Variants in SPAG9 observed in about 807,000 individuals in gnomAD.
SPAG9 encodes the protein sperm associated antigen 9, also known as C-Jun-amino-terminal kinase-interacting protein 4.
In SPAG9, 35 loss-of-function variants were observed where a neutral mutation model predicts 166.5. That is an observed-to-expected ratio of 0.21 (90% CI 0.16 to 0.28). The LOEUF (loss-of-function observed/expected upper bound fraction) is 0.28. SPAG9 is among the 10% of genes least tolerant of loss of function. The probability of loss-of-function intolerance (pLI) is 1.00; values close to 1 mark genes in which losing one functional copy is unlikely to be tolerated. For missense variants in SPAG9, 1,235 were observed against 1,603.3 expected, an observed-to-expected ratio of 0.77 and a Z score of 3.92; for synonymous variants, 534 against 565.5, an observed-to-expected ratio of 0.94 and a Z score of 0.79.
chr17:51,061,626 A>C (rs1390713545), intron 2 of SPAG9, among the ~76,000 whole-genome samples: 1 of 151,078 alleles, frequency 6.6e-6, no homozygotes, highest in Non-Finnish European at 1.5e-5. Context: ...AAAAAAAAAA[A>C]AAAAAAAAAA....
chr17:51,095,476 C>G (rs1021936295), intron 1 of SPAG9, among the ~76,000 whole-genome samples: 1 of 151,088 alleles, frequency 6.6e-6, no homozygotes, highest in Admixed American at 6.6e-5. Flanking sequence ...AATGATGAAA[C>G]CCCTTCTCTA....
At chr17:51,053,887 A>AG (rs2047275980) in intron 3 of SPAG9, among the ~76,000 whole-genome samples, 2 of 117,398 alleles carry the variant, frequency 1.7e-5, no homozygotes, top group Middle Eastern at 4.2e-3. Context: ...ATATATATAT[A>AG]TATATATATA....
At chr17:50,999,610 T>A in intron 14 of SPAG9, 51 bp downstream of exon 14, 1 of 1,525,368 alleles carries the variant, frequency 6.6e-7, no homozygotes. Flanking sequence ...ATTTTGACTG[T>A]AATTTTCTTG....
At chr17:50,970,918 T>G (rs542595689) in intron 28 of SPAG9, 62 bp from the exon 29 acceptor site, 114 of 1,447,784 alleles carry the variant, frequency 7.9e-5, no homozygotes, top group East Asian at 9.1e-5. Context: ...GTTTTGTTTT[T>G]TTTTTTTAAG....
intron 3 of SPAG9, among the ~76,000 whole-genome samples, chr17:51,051,044 C>G (rs376078281): frequency 8.7e-6 from 1 of 115,028 alleles, no homozygotes; most frequent in Admixed American, 8.3e-5. Context: ...AAAAAAAAAA[C>G]AAAAAGAAAA....
chr17:50,967,808 A>C lies in SPAG9; in HGVS notation c.3851-1421T>G, dbSNP rs189431483. ...GAAAAAGGAAATGGACCCCCAAAAA[A>C]GATCAAATTTGATTTTTTACAACAG... On this transcript the variant is annotated intron_variant, in intron 29 of 29. Coordinates refer to ENST00000262013, the MANE Select transcript of SPAG9 (RefSeq NM_001130528.3). Among the ~76,000 whole-genome samples the C allele has an allele frequency of 3.3e-5, 5 of 152,366 alleles. No homozygotes were observed. The East Asian group carries it at 9.6e-4, about 29-fold the overall frequency.
At chr17:51,077,013 G>GCTAGCTATCTAGCTATCTATCTAGCTAT (rs2048002157) in intron 2 of SPAG9, among the ~76,000 whole-genome samples, 5 of 62,862 alleles carry the variant, frequency 8.0e-5, no homozygotes, top group East Asian at 3.2e-4. Flanking sequence ...TAGCTAGCTA[G>GCTAGCTATCTAGCTATCTATCTAGCTAT]CTAGCTATCT....
intron 6 of SPAG9, among the ~76,000 whole-genome samples, chr17:51,021,823 T>C (rs1444833311): frequency 2.2e-5 from 2 of 89,312 alleles, no homozygotes; most frequent in East Asian, 6.2e-4. Flanking sequence ...TCTAAATCAT[T>C]TGAAGTGCTT....
At chr17:51,060,786 G>A (rs1384470568) in intron 2 of SPAG9, among the ~76,000 whole-genome samples, 1 of 151,360 alleles carries the variant, frequency 6.6e-6, no homozygotes, top group Non-Finnish European at 1.5e-5. Context: ...GTAATATTTT[G>A]TTATGGCGGC....
At chr17:50,978,719 A>G (rs1038729778) in intron 26 of SPAG9, among the ~76,000 whole-genome samples, 3 of 152,240 alleles carry the variant, frequency 2.0e-5, no homozygotes, top group African/African-American at 7.2e-5. Context: ...CTTCCCAGGT[A>G]GATGATACAG....
chr17:51,019,650 C>G (rs970066661), intron 8 of SPAG9, among the ~76,000 whole-genome samples: 8 of 151,590 alleles, frequency 5.3e-5, no homozygotes, highest in African/African-American at 1.5e-4. Context: ...GTTGGGAGTT[C>G]GAGACCAGCC....
intron 5 of SPAG9, among the ~76,000 whole-genome samples, chr17:51,038,228 G>A (rs2046696098): frequency 6.6e-6 from 1 of 152,172 alleles, no homozygotes; most frequent in South Asian, 2.1e-4. Context: ...ATGAGTTGTA[G>A]ATTCAAATTT....
intron 2 of SPAG9, among the ~76,000 whole-genome samples, chr17:51,071,446 C>T (rs17651543): frequency 0.071 from 10,779 of 152,102 alleles, 408 homozygotes; most frequent in Non-Finnish European, 0.089. Flanking sequence ...ATTAACAGGA[C>T]GTATTATTGC....
chr17:50,971,459 CTTTTTTTTTTTT>C (rs71353691), intron 28 of SPAG9, among the ~76,000 whole-genome samples: 4 of 89,902 alleles, frequency 4.4e-5, no homozygotes, highest in Non-Finnish European at 6.5e-5. Context: ...TTCAAACTAC[CTTTTTTTTTTTT>C]TTTTTTTTTT....
At chr17:50,985,453 C>G (rs1207967140) in intron 23 of SPAG9, among the ~76,000 whole-genome samples, 1 of 152,134 alleles carries the variant, frequency 6.6e-6, no homozygotes, top group Admixed American at 6.5e-5. Context: ...TGGTTATTTC[C>G]TGCAGTGCTA....
intron 19 of SPAG9, among the ~76,000 whole-genome samples, chr17:50,992,677 C>T (rs1975690719): frequency 6.6e-6 from 1 of 151,894 alleles, no homozygotes; most frequent in African/African-American, 2.4e-5. Flanking sequence ...GAGGCCCTGT[C>T]TCAAAAAAAC....
In SPAG9 at chr17:51,101,205, G is replaced by A. The variant is rs377421016; in HGVS notation, c.303+19149C>T. ...TACTAAAAATACAAAAATTAGCTGGGCTTGGTGGCGCACACCTGTAGTCCC... is the reference window on the plus strand; with the variant it reads ...TACTAAAAATACAAAAATTAGCTGGACTTGGTGGCGCACACCTGTAGTCCC... On this transcript the variant is annotated intron_variant, in intron 1 of 29. Coordinates refer to ENST00000262013, the MANE Select transcript of SPAG9 (RefSeq NM_001130528.3). Among the ~76,000 whole-genome samples the A allele has an allele frequency of 3.3e-5, 5 of 151,800 alleles. No individual in the cohort carries two copies. In the East Asian group the frequency reaches 9.8e-4, roughly 30 times the overall value.
In SPAG9 at chr17:50,997,993, T is replaced by TA. The variant is rs201338783; in HGVS notation, c.1838+450dup. Among the ~76,000 whole-genome samples the TA allele has an allele frequency of 7.0e-3, 1,062 of 151,178 alleles. 24 individuals carry two copies. The highest frequency in any genetic ancestry group is 0.059 in the Admixed American group (897 of 15,086). ...TAAAAACTTTTGACTACAAGTAATT[T>TA]ACTTAAAGACAGCCAAGTTACAGAA... On this transcript the variant is annotated intron_variant, in intron 15 of 29. Coordinates refer to ENST00000262013, the MANE Select transcript of SPAG9 (RefSeq NM_001130528.3).
chr17:50,985,667 T>G, intron 23 of SPAG9, 31 bp downstream of exon 23: 2 of 1,323,432 alleles, frequency 1.5e-6, no homozygotes, highest in Non-Finnish European at 2.2e-6. Flanking sequence ...TGCATAGTTT[T>G]AACAAGAAGA....
Sources: allele counts gnomAD v4.1 joint callset (sites outside exome capture counted in the v4.1 genomes callset), GRCh38; gene constraint gnomAD v4.1.1; transcripts MANE v1.5; gene names NCBI Gene and HGNC (gene_info 2026-07-23, HGNC 2026-07-21).